The following CABIN1 variants were observed in gnomAD, a reference collection of about 807,000 sequenced individuals.
The protein encoded by CABIN1 is calcineurin-binding protein cabin-1.
A neutral mutation model predicts 227.7 loss-of-function variants in CABIN1; 133 were observed. That is an observed-to-expected ratio of 0.58 (90% CI 0.51 to 0.67). The LOEUF is 0.67. CABIN1 is among the 30% of genes least tolerant of loss of function. CABIN1 has a pLI of 0.00. For synonymous variants in CABIN1, 1,086 were observed against 1,155.1 expected (o/e 0.94, Z 1.21); for missense variants, 2,408 against 2,852.5 (o/e 0.84, Z 3.55).
At chr22:24,135,217 C>A (rs2044321137) in intron 29 of CABIN1, among the ~76,000 whole-genome samples, 1 of 151,852 alleles carries the variant, frequency 6.6e-6, no homozygotes, top group Non-Finnish European at 1.5e-5. Flanking sequence ...ATGGTGAAAC[C>A]CTGTCTCTAC....
At chr22:24,056,411 A>G in intron 10 of CABIN1, 51 bp downstream of exon 10, 1 of 1,565,516 alleles carries the variant, frequency 6.4e-7, no homozygotes, top group Non-Finnish European at 8.8e-7. Context: ...AAGCTCCAGC[A>G]TACACCATCA....
At chr22:24,015,713 T>C (rs1165810086) in intron 1 of CABIN1, among the ~76,000 whole-genome samples, 3 of 151,972 alleles carry the variant, frequency 2.0e-5, no homozygotes, top group Admixed American at 1.3e-4. Context: ...TCCCAGACTT[T>C]GGGAGGCTGA....
At chr22:24,169,843 T>C (rs2046686342) in intron 33 of CABIN1, among the ~76,000 whole-genome samples, 1 of 152,202 alleles carries the variant, frequency 6.6e-6, no homozygotes, top group South Asian at 2.1e-4. Context: ...AAGAAAGGGC[T>C]ACTGAGTTGG....
At position 24,096,153 on chromosome 22, in the gene CABIN1, A is replaced by T. The variant is rs972262472; in HGVS notation, c.3938+71A>T. ...CATCCCAGATGGCTCGTTTACTGCA[A>T]TGTGTTGTTCAGAGGGTTGCTACAC... On this transcript the variant is annotated intron_variant, in intron 25 of 36. Coordinates refer to ENST00000263119, the MANE Select transcript of CABIN1 (RefSeq NM_012295.4). The T allele has an allele frequency of 1.9e-6, 3 of 1,544,918 alleles. No individual in the cohort carries two copies. In the African/African-American group the frequency reaches 4.1e-5, roughly 21 times the overall value.
intron 26 of CABIN1, among the ~76,000 whole-genome samples, chr22:24,109,362 CGCCT>C (rs2042687899): frequency 6.6e-6 from 1 of 151,434 alleles, no homozygotes; most frequent in Non-Finnish European, 1.5e-5. Context: ...GTAACTGCCA[CGCCT>C]GCCTAATTTT....
In CABIN1 at chr22:24,068,634, T is replaced by A. The variant is rs1193879060; in HGVS notation, c.2232+1453T>A. On this transcript the variant is annotated intron_variant, in intron 16 of 36. Coordinates refer to ENST00000263119, the MANE Select transcript of CABIN1 (RefSeq NM_012295.4). The stretch of plus-strand genomic sequence containing the variant: ...GCTCAGTTTTGTATTGAGAGTGTTT[T>A]CTTATTGATTTGGAGTGCTTTTTTT... Among the ~76,000 whole-genome samples, 6 of 152,248 alleles carry A rather than the reference T, an allele frequency of 3.9e-5. No individual in the cohort carries two copies. The East Asian group carries it at 9.6e-4, about 24-fold the overall frequency.
At chr22:24,019,848 G>C (rs915536096) in intron 1 of CABIN1, among the ~76,000 whole-genome samples, 1 of 151,184 alleles carries the variant, frequency 6.6e-6, no homozygotes, top group Admixed American at 6.6e-5. Flanking sequence ...GTAGAGACGG[G>C]GTTTCTCCAT....
At chr22:24,070,098 A>G (rs199897868) in intron 16 of CABIN1, among the ~76,000 whole-genome samples, 2 of 151,620 alleles carry the variant, frequency 1.3e-5, no homozygotes, top group Non-Finnish European at 2.9e-5. Flanking sequence ...TGCGAAAAGC[A>G]GTGGTTTCCA....
At chr22:24,038,529 T>C in intron 4 of CABIN1, 68 bp downstream of exon 4, 1 of 1,095,164 alleles carries the variant, frequency 9.1e-7, no homozygotes, top group Non-Finnish European at 1.4e-6. Context: ...CTGGGTACTC[T>C]GGGCCTTACC....
At chr22:24,113,882 G>A in intron 27 of CABIN1, 134 bp downstream of exon 27, 1 of 949,826 alleles carries the variant, frequency 1.1e-6, no homozygotes, top group Non-Finnish European at 1.6e-6. Flanking sequence ...TTTTCTCCCT[G>A]TAGGATGAGA....
In CABIN1 at chr22:24,050,842, A is replaced by T; in HGVS notation, c.674A>T (p.Asp225Val). The T allele has an allele frequency of 1.2e-6, 2 of 1,614,224 alleles. No individual in the cohort carries two copies. The highest frequency in any genetic ancestry group is 1.7e-6 in the Non-Finnish European group (2 of 1,180,042). Reference sequence around the variant, plus strand: ...GCTTTTAGTGACATGTCGATTCACGATGTTTCGGTGAGTGCAGCTGAGACA... The same window carrying T: ...GCTTTTAGTGACATGTCGATTCACGTTGTTTCGGTGAGTGCAGCTGAGACA... Reference protein sequence around the residue: ...MFLKCDMSIHDVSVSAAETQA... With the variant: ...MFLKCDMSIHVVSVSAAETQA... The change falls in exon 8 of 37, where the codon GAT (aspartate) becomes GTT (valine). Residue 225 changes from aspartate to valine, a missense_variant. Physicochemically the swap from Asp to Val is radical, Grantham distance 152 (BLOSUM62 -3). Transcript: ENST00000263119.
chr22:24,087,406 T>A, intron 22 of CABIN1, 46 bp from the exon 23 acceptor site: 1 of 1,608,970 alleles, frequency 6.2e-7, no homozygotes, highest in Non-Finnish European at 8.5e-7. Flanking sequence ...CTTCCATGCT[T>A]TTCATGTAGT....
At chr22:24,094,011 A>C (rs1325230819) in intron 24 of CABIN1, among the ~76,000 whole-genome samples, 1 of 152,194 alleles carries the variant, frequency 6.6e-6, no homozygotes, top group Admixed American at 6.5e-5. Flanking sequence ...GCGGCGTTGG[A>C]TCTCCGTCCT....
intron 8 of CABIN1, among the ~76,000 whole-genome samples, chr22:24,054,671 G>A (rs1372692412): frequency 6.6e-6 from 1 of 152,182 alleles, no homozygotes; most frequent in Non-Finnish European, 1.5e-5. Context: ...AGCTTTGGCT[G>A]CCGCATCTTC....
intron 26 of CABIN1, among the ~76,000 whole-genome samples, chr22:24,104,615 C>T (rs1015475004): frequency 4.6e-5 from 7 of 152,326 alleles, no homozygotes; most frequent in African/African-American, 1.7e-4. Flanking sequence ...ATCTTCCTCT[C>T]TCTCAGGGGC....
At chr22:24,066,287 A>G (rs1199982076) in intron 15 of CABIN1, among the ~76,000 whole-genome samples, 5 of 152,222 alleles carry the variant, frequency 3.3e-5, no homozygotes, top group African/African-American at 1.2e-4. Flanking sequence ...ATTTAGAAGC[A>G]GTCATTGCTC....
chr22:24,097,032 C>T (rs1023176267), intron 25 of CABIN1, among the ~76,000 whole-genome samples: 3 of 152,216 alleles, frequency 2.0e-5, no homozygotes, highest in South Asian at 2.1e-4. Flanking sequence ...TCGGTGTGCC[C>T]CTCAGGTTAT....
At chr22:24,066,731 T>C (rs896174063) in intron 15 of CABIN1, among the ~76,000 whole-genome samples, 1 of 152,242 alleles carries the variant, frequency 6.6e-6, no homozygotes, top group Admixed American at 6.5e-5. Context: ...ACTCCTCTGC[T>C]TCTGAGTAGT....
Position 24,168,546 on chromosome 22 carries a change from G to A in CABIN1, c.5757+25G>A, listed in dbSNP as rs771071544. The stretch of plus-strand genomic sequence containing the variant: ...GGTAAGCCCAATTTAGCCTGTGCCA[G>A]CCTCATCTTGCGGAGCCTGCTCCAT... On this transcript the variant is annotated intron_variant, in intron 33 of 36. Coordinates refer to ENST00000263119, the MANE Select transcript of CABIN1 (RefSeq NM_012295.4). 30 of 1,531,388 alleles carry A rather than the reference G, an allele frequency of 2.0e-5. 1 individual carries two copies. The South Asian group carries it at 3.3e-4, about 17-fold the overall frequency. The allele number at this position is 1,531,388 out of a possible 1,614,324, so 94.9% of individuals were successfully genotyped here. A position where few individuals can be genotyped will look rare whatever the true frequency, so the allele number is the denominator to read the frequency against.
Sources: allele counts gnomAD v4.1 joint callset (sites outside exome capture counted in the v4.1 genomes callset), GRCh38; gene constraint gnomAD v4.1.1; transcripts MANE v1.5; gene names NCBI Gene and HGNC (gene_info 2026-07-23, HGNC 2026-07-21).